Variants in INTS9 observed in about 807,000 individuals in gnomAD.
The protein encoded by INTS9 is integrator complex subunit 9.
A neutral mutation model predicts 79.7 loss-of-function variants in INTS9; 55 were observed. That is an observed-to-expected ratio of 0.69 (90% CI 0.56 to 0.86). The LOEUF is 0.86. INTS9 is among the 40% of genes least tolerant of loss of function. The pLI, the probability that INTS9 is intolerant of heterozygous loss-of-function variation, is 0.00. For missense variants in INTS9, 721 were observed against 831.5 expected (o/e 0.87, Z 1.64); for synonymous variants, 319 against 325.2 (o/e 0.98, Z 0.20).
At chr8:28,829,008 G>GT (rs1215619942) in intron 6 of INTS9, among the ~76,000 whole-genome samples, 13 of 152,044 alleles carry the variant, frequency 8.6e-5, no homozygotes. Context: ...CTTCCGTAAG[G>GT]TATGAAGCCA....
At chr8:28,827,500 A>G (rs1165131078) in intron 6 of INTS9, among the ~76,000 whole-genome samples, 1 of 152,234 alleles carries the variant, frequency 6.6e-6, no homozygotes, top group African/African-American at 2.4e-5. Flanking sequence ...GACAGAATAC[A>G]AAGAAGATAG....
Position 28,776,000 on chromosome 8 carries a change from C to T in INTS9, c.1396-74G>A, listed in dbSNP as rs1802854965. On this transcript the variant is annotated intron_variant, in intron 13 of 16. Coordinates refer to ENST00000521022, the MANE Select transcript of INTS9 (RefSeq NM_018250.4). Reference sequence around the variant, plus strand: ...CCCCTGTGGAAGGCCCATTCCTGACCCCGATCCACTCCCCGCCATTACAGG... The same window carrying T: ...CCCCTGTGGAAGGCCCATTCCTGACTCCGATCCACTCCCCGCCATTACAGG... 6.7e-6 allele frequency: 8 copies of T among 1,196,972 alleles called. 1 individual carries two copies. In the Admixed American group the frequency reaches 1.9e-4, roughly 29 times the overall value. 74.1% of individuals were successfully genotyped at this position (1,196,972 alleles called of 1,614,324 possible).
chr8:28,775,630 G>A, intron 14 of INTS9, 129 bp downstream of exon 14: 1 of 1,003,330 alleles, frequency 1.0e-6, no homozygotes. Flanking sequence ...GGGATTATAG[G>A]CGTGAGCTAC....
chr8:28,871,114 C>T (rs1002576715), intron 1 of INTS9, among the ~76,000 whole-genome samples: 1 of 152,186 alleles, frequency 6.6e-6, no homozygotes, highest in Non-Finnish European at 1.5e-5. Flanking sequence ...AAACTTCTTA[C>T]TAGTCACACC....
At chr8:28,771,137 C>T (rs753263871) in intron 14 of INTS9, 57 bp from the exon 15 acceptor site, 11 of 1,147,088 alleles carry the variant, frequency 9.6e-6, no homozygotes, top group Non-Finnish European at 1.3e-5. Flanking sequence ...CATTACTCTT[C>T]CTTTAATCTG....
intron 1 of INTS9, among the ~76,000 whole-genome samples, chr8:28,865,613 T>C (rs999216470): frequency 6.6e-6 from 1 of 152,066 alleles, no homozygotes; most frequent in Non-Finnish European, 1.5e-5. Flanking sequence ...TCAAAATACA[T>C]GAAGCAAAAT....
intron 2 of INTS9, among the ~76,000 whole-genome samples, chr8:28,857,025 T>G (rs1265999261): frequency 6.6e-6 from 1 of 152,190 alleles, no homozygotes; most frequent in African/African-American, 2.4e-5. Flanking sequence ...TCCAGTTGCA[T>G]CCATGTCACT....
At chr8:28,843,024 A>G (rs1349381566) in intron 4 of INTS9, among the ~76,000 whole-genome samples, 1 of 152,206 alleles carries the variant, frequency 6.6e-6, no homozygotes, top group South Asian at 2.1e-4. Flanking sequence ...TCATGGGATT[A>G]TGGGTGGCCA....
Position 28,836,337 on chromosome 8 carries a change from G to A in INTS9, c.402-959C>T, listed in dbSNP as rs555090843. ...GTACACAGGCTTTGGGGATTCACAG[G>A]ACAGAGAACTGCGGGAATTCTTGAT... On this transcript the variant is annotated intron_variant, in intron 5 of 16. Coordinates refer to ENST00000521022, the MANE Select transcript of INTS9 (RefSeq NM_018250.4). 3.9e-5 allele frequency among the ~76,000 whole-genome samples: 6 copies of A among 152,254 alleles called. No homozygotes were observed. In the South Asian group the frequency reaches 1.2e-3, roughly 32 times the overall value.
intron 2 of INTS9, among the ~76,000 whole-genome samples, chr8:28,852,128 A>G (rs1229042340): frequency 9.2e-5 from 14 of 152,094 alleles, no homozygotes; most frequent in Admixed American, 6.5e-4. Flanking sequence ...CCCAGGAGGA[A>G]GGATCGCTTG....
chr8:28,873,157 G>A (rs770538067), intron 1 of INTS9, among the ~76,000 whole-genome samples: 19 of 152,118 alleles, frequency 1.2e-4, no homozygotes, highest in Non-Finnish European at 2.9e-5. Context: ...CATTAGTTTA[G>A]TCAGATTGAT....
chr8:28,881,153 C>T (rs1482153017), intron 1 of INTS9, among the ~76,000 whole-genome samples: 8 of 146,988 alleles, frequency 5.4e-5, no homozygotes, highest in African/African-American at 1.3e-4. Flanking sequence ...CCCGGCTGGC[C>T]GCCCCGTCCG....
At chr8:28,776,030 C>T in intron 13 of INTS9, 104 bp from the exon 14 acceptor site, 5 of 907,260 alleles carry the variant, frequency 5.5e-6, no homozygotes, top group Non-Finnish European at 8.0e-6. Context: ...TACAGGCTCA[C>T]CACTTCCAGG....
intron 8 of INTS9, among the ~76,000 whole-genome samples, chr8:28,802,717 C>A (rs1804589476): frequency 6.6e-6 from 1 of 152,134 alleles, no homozygotes; most frequent in Non-Finnish European, 1.5e-5. Flanking sequence ...TGAAAACATA[C>A]TGCCAAGAGT....
At chr8:28,854,097 A>G (rs894950833) in intron 2 of INTS9, among the ~76,000 whole-genome samples, 1 of 152,144 alleles carries the variant, frequency 6.6e-6, no homozygotes, top group African/African-American at 2.4e-5. Flanking sequence ...GTGTGATCAC[A>G]GTCCACCACA....
Position 28,775,828 on chromosome 8 carries a change from G to C in INTS9, c.1494C>G (p.Ser498=). Residue 498 remains serine, a synonymous_variant, in exon 14 of 17, where the codon TCC becomes TCG. Coordinates refer to ENST00000521022, the MANE Select transcript of INTS9 (RefSeq NM_018250.4). Reference sequence around the variant, plus strand: ...GGGCGAGAACCTCAGCCCGCCGATAGGACATGGCGGGGGGCTGGCAGTCGA... The same window carrying C: ...GGGCGAGAACCTCAGCCCGCCGATACGACATGGCGGGGGGCTGGCAGTCGA... ...LMIDCQPPAM[S]YRRAEVLALP... 6.2e-7 allele frequency: 1 copy of C among 1,614,058 alleles called. No homozygotes were observed. The highest frequency in any genetic ancestry group is 1.1e-5 in the South Asian group (1 of 91,070).
At chr8:28,780,556 T>C (rs1803195503) in intron 12 of INTS9, 5 of 985,466 alleles carry the variant, frequency 5.1e-6, no homozygotes, top group Non-Finnish European at 6.0e-6. Flanking sequence ...TGGCTTACGA[T>C]ATCCTAGCAA....
chr8:28,833,535 G>A (rs756512886), intron 6 of INTS9, among the ~76,000 whole-genome samples: 2 of 151,706 alleles, frequency 1.3e-5, no homozygotes, highest in Non-Finnish European at 2.9e-5. Flanking sequence ...CACGAGAATC[G>A]CTTGAACCCT....
At chr8:28,775,654 G>A in intron 14 of INTS9, 105 bp downstream of exon 14, 28 of 1,247,862 alleles carry the variant, frequency 2.2e-5, no homozygotes, top group Non-Finnish European at 3.1e-5. Context: ...GCGCAGCCTG[G>A]TTCATTTATA....
Sources: allele counts gnomAD v4.1 joint callset (sites outside exome capture counted in the v4.1 genomes callset), GRCh38; gene constraint gnomAD v4.1.1; transcripts MANE v1.5; gene names NCBI Gene and HGNC (gene_info 2026-07-23, HGNC 2026-07-21).